Variants in GPM6B observed in about 807,000 individuals in gnomAD.
GPM6B encodes the protein neuronal membrane glycoprotein M6-b.
GPM6B carries 4 observed loss-of-function variants against 27.2 expected under a neutral mutation model. That is an observed-to-expected ratio of 0.15 (90% CI 0.07 to 0.34). The LOEUF (loss-of-function observed/expected upper bound fraction) is 0.34. Ranked by LOEUF, GPM6B falls within the 10% of genes least tolerant of loss-of-function variation. The pLI, the probability that GPM6B is intolerant of heterozygous loss-of-function variation, is 1.00. For missense variants in GPM6B, 183 were observed against 261.9 expected (o/e 0.70, Z 2.08); for synonymous variants, 124 against 103.1 (o/e 1.20, Z -1.23).
chrX:13,773,979 T>TTTCC (rs869053023), intron 7 of GPM6B: 1 of 685,494 alleles, frequency 1.5e-6, no homozygotes, highest in Non-Finnish European at 1.7e-6. Flanking sequence ...TTTTTTTTTT[T>TTTCC]CCAGAGAACT....
chrX:13,829,203 G>T (rs1035956018), intron 1 of GPM6B, among the ~76,000 whole-genome samples: 5 of 111,150 alleles, frequency 4.5e-5, no homozygotes, highest in African/African-American at 1.6e-4. Context: ...ACACACTTCC[G>T]CAACTCAGGA....
intron 1 of GPM6B, among the ~76,000 whole-genome samples, chrX:13,839,402 G>C (rs1239067908): frequency 2.7e-5 from 3 of 111,660 alleles, no homozygotes; most frequent in African/African-American, 9.8e-5. Context: ...AATCACCTTA[G>C]ACATATGTTC....
At chrX:13,852,300 T>C (rs1304905906) in intron 1 of GPM6B, among the ~76,000 whole-genome samples, 1 of 111,353 alleles carries the variant, frequency 9.0e-6, no homozygotes, top group Non-Finnish European at 1.9e-5. Flanking sequence ...AAAGAGAAAA[T>C]TAAGTATGTA....
At chrX:13,866,360 T>A (rs745709041) in intron 1 of GPM6B, among the ~76,000 whole-genome samples, 4 of 111,810 alleles carry the variant, frequency 3.6e-5, no homozygotes, top group Admixed American at 1.9e-4. Flanking sequence ...TGAAACTCCG[T>A]CTCAAAAAAG....
At chrX:13,856,574 T>TA (rs2049782047) in intron 1 of GPM6B, among the ~76,000 whole-genome samples, 1 of 112,581 alleles carries the variant, frequency 8.9e-6, no homozygotes, top group African/African-American at 3.2e-5. Context: ...ATGGCTGTTG[T>TA]AACGAATGAC....
intron 1 of GPM6B, among the ~76,000 whole-genome samples, chrX:13,865,971 CT>C (rs2049912493): frequency 9.0e-6 from 1 of 110,698 alleles, no homozygotes; most frequent in African/African-American, 3.3e-5. Context: ...CATGATCCTG[CT>C]TGTATGTGGA....
rs151263798 is a variant in GPM6B at position 13,906,820 on chromosome X, G to C, written c.-198+31507C>G. Among the ~76,000 whole-genome samples the C allele has an allele frequency of 3.0e-3, 340 of 111,637 alleles. 1 individual carries two copies. Among genetic ancestry groups the C allele is most frequent in the African/African-American group, 0.01 (312 of 30,747 alleles). On this transcript the variant is annotated intron_variant, in intron 1 of 6. Coordinates refer to the GPM6B transcript ENST00000398361. Reference sequence around the variant, plus strand: ...TTAATGATCAGATATTCCCAAACTTGACTCCAAAGGACAATTTTCATAAGC... The same window carrying C: ...TTAATGATCAGATATTCCCAAACTTCACTCCAAAGGACAATTTTCATAAGC...
chrX:13,783,578 G>A (rs1013519871), intron 3 of GPM6B, 57 bp from the exon 4 acceptor site: 11 of 955,955 alleles, frequency 1.2e-5, no homozygotes, highest in African/African-American at 1.9e-5. Flanking sequence ...TAGTGACTAC[G>A]TTTCTGGACG....
chrX:13,818,645 T>G (rs767506615), upstream of GPM6B, among the ~76,000 whole-genome samples: 5 of 112,401 alleles, frequency 4.4e-5, no homozygotes, highest in Non-Finnish European at 9.4e-5. Context: ...CCCAGCCAAT[T>G]TTATTGTCTC....
At chrX:13,811,349 GCTT>G (rs1193210428) in intron 1 of GPM6B, among the ~76,000 whole-genome samples, 1 of 112,569 alleles carries the variant, frequency 8.9e-6, no homozygotes, top group Non-Finnish European at 1.9e-5. Flanking sequence ...AGACTGTCAT[GCTT>G]CTTAGCACCT....
At chrX:13,783,224 T>G in intron 4 of GPM6B, 141 bp downstream of exon 4, 1 of 463,372 alleles carries the variant, frequency 2.2e-6, no homozygotes, top group African/African-American at 2.4e-5. Context: ...GTCCTAACTC[T>G]AAATTGGTAA....
chrX:13,903,693 C>T (rs1046223541), intron 1 of GPM6B, among the ~76,000 whole-genome samples: 1 of 112,070 alleles, frequency 8.9e-6, no homozygotes, highest in African/African-American at 3.2e-5. Flanking sequence ...AACAAGGAAT[C>T]ACAGATCCAT....
At chrX:13,851,268 G>A (rs2049715343) in intron 1 of GPM6B, among the ~76,000 whole-genome samples, 1 of 110,398 alleles carries the variant, frequency 9.1e-6, no homozygotes, top group African/African-American at 3.3e-5. Flanking sequence ...TAGATTCTGA[G>A]CCAGAGCTGG....
At chrX:13,920,686 T>C (rs1322201854) in intron 1 of GPM6B, among the ~76,000 whole-genome samples, 5 of 110,903 alleles carry the variant, frequency 4.5e-5, no homozygotes, top group African/African-American at 9.9e-5. Context: ...GGTCAGGAGA[T>C]AGAGACCATC....
chrX:13,774,305 T>TCA (rs1357701342), intron 7 of GPM6B: 2 of 937,420 alleles, frequency 2.1e-6, no homozygotes, highest in African/African-American at 4.0e-5. Flanking sequence ...AAAAGGATGC[T>TCA]CACCACTGTC....
At chrX:13,817,306 T>C, upstream of GPM6B, 1 of 748,246 alleles carries the variant, frequency 1.3e-6, no homozygotes, top group South Asian at 6.9e-5. Flanking sequence ...TCTCGATCTC[T>C]CTCTCTCTCT....
intron 1 of GPM6B, among the ~76,000 whole-genome samples, chrX:13,811,055 G>C (rs948351694): frequency 8.9e-6 from 1 of 112,240 alleles, no homozygotes; most frequent in Non-Finnish European, 1.9e-5. Context: ...TGGCTCAAAA[G>C]GTCTTTTAAA....
intron 1 of GPM6B, among the ~76,000 whole-genome samples, chrX:13,864,639 C>A (rs2049889214): frequency 8.9e-6 from 1 of 112,454 alleles, no homozygotes; most frequent in Non-Finnish European, 1.9e-5. Flanking sequence ...ACTCACTCAT[C>A]GGTGAGCCCC....
chrX:13,918,228 T>G (rs1211333351), intron 1 of GPM6B, among the ~76,000 whole-genome samples: 5 of 113,183 alleles, frequency 4.4e-5, no homozygotes, highest in African/African-American at 1.3e-4. Flanking sequence ...GCCCCTGCAC[T>G]TGCAATTGCA....
Sources: allele counts gnomAD v4.1 joint callset (sites outside exome capture counted in the v4.1 genomes callset), GRCh38; gene constraint gnomAD v4.1.1; transcripts MANE v1.5; gene names NCBI Gene and HGNC (gene_info 2026-07-23, HGNC 2026-07-21).